IL27RA: variants seen among roughly 807,000 people sequenced by gnomAD.
The protein encoded by IL27RA is interleukin-27 receptor subunit alpha.
A neutral mutation model predicts 80.8 loss-of-function variants in IL27RA; 61 were observed. The observed-to-expected ratio is 0.76, with a 90% CI of 0.61 to 0.93. The LOEUF (loss-of-function observed/expected upper bound fraction) is 0.93. IL27RA is among the 40% of genes least tolerant of loss of function. The probability of loss-of-function intolerance (pLI) is 0.00; values close to 1 mark genes in which losing one functional copy is unlikely to be tolerated. For synonymous variants in IL27RA, 316 were observed against 332.5 expected (o/e 0.95, Z 0.54); for missense variants, 735 against 808.1 (o/e 0.91, Z 1.10).
At chr19:14,044,657 C>G (rs1474814633) in intron 6 of IL27RA, among the ~76,000 whole-genome samples, 2 of 151,830 alleles carry the variant, frequency 1.3e-5, no homozygotes, top group African/African-American at 2.4e-5. Context: ...TAGGGTCACA[C>G]AGGTGCAGGA....
At chr19:14,040,161 C>T (rs1401994855) in intron 4 of IL27RA, among the ~76,000 whole-genome samples, 7 of 151,322 alleles carry the variant, frequency 4.6e-5, no homozygotes, top group African/African-American at 1.5e-4. Flanking sequence ...GTCAAGAGTT[C>T]GAGACCAGCC....
At chr19:14,038,930 G>A (rs1447894811) in intron 2 of IL27RA, among the ~76,000 whole-genome samples, 1 of 150,750 alleles carries the variant, frequency 6.6e-6, no homozygotes, top group Non-Finnish European at 1.5e-5. Flanking sequence ...GGAAGGGAGG[G>A]AGGGAGGAAA....
chr19:14,032,455 T>C lies in IL27RA; in HGVS notation c.170T>C (p.Leu57Pro), dbSNP rs2145683622. The C allele has an allele frequency of 1.9e-6, 3 of 1,613,652 alleles. No homozygotes were observed. The highest frequency in any genetic ancestry group is 1.1e-5 in the South Asian group (1 of 91,056). ...LGDLNCSWEP[L>P]GDLGAPSELH... ...GACTTGAACTGCTCGTGGGAGCCTCTTGGGGACCTGGGAGCCCCCTCCGAG... is the reference window on the plus strand; with the variant it reads ...GACTTGAACTGCTCGTGGGAGCCTCCTGGGGACCTGGGAGCCCCCTCCGAG... Residue 57 changes from leucine to proline, a missense_variant, in exon 2 of 14, where the codon CTT (leucine) becomes CCT (proline). By Grantham distance (98) the Leu-to-Pro change is moderately conservative. Coordinates refer to ENST00000263379, the MANE Select transcript of IL27RA (RefSeq NM_004843.4).
intron 8 of IL27RA, among the ~76,000 whole-genome samples, chr19:14,048,357 C>T (rs563631638): frequency 1.3e-5 from 2 of 152,210 alleles, no homozygotes; most frequent in South Asian, 4.1e-4. Flanking sequence ...GACACAGTCC[C>T]AAGACCCACA....
chr19:14,049,392 C>A, intron 10 of IL27RA, 78 bp downstream of exon 10: 3 of 1,474,734 alleles, frequency 2.0e-6, no homozygotes, highest in South Asian at 1.3e-5. Context: ...CCCTTGTCCC[C>A]ACGTGGGCCT....
At chr19:14,043,918 G>A (rs1008364335) in intron 6 of IL27RA, among the ~76,000 whole-genome samples, 4 of 150,790 alleles carry the variant, frequency 2.7e-5, no homozygotes, top group Admixed American at 6.6e-5. Context: ...CCTGGTGGCA[G>A]GCACCTGTAA....
intron 12 of IL27RA, 71 bp downstream of exon 12, chr19:14,051,771 G>A (rs1221334378): frequency 1.4e-6 from 2 of 1,425,110 alleles, no homozygotes; most frequent in Non-Finnish European, 9.8e-7. Flanking sequence ...GAGCTTCCAG[G>A]GGGCTTGAAG....
intron 6 of IL27RA, among the ~76,000 whole-genome samples, chr19:14,043,771 G>T (rs1976024011): frequency 6.6e-6 from 1 of 151,740 alleles, no homozygotes; most frequent in African/African-American, 2.4e-5. Context: ...TAATAGGCTG[G>T]GCATGGTGGC....
chr19:14,035,355 C>T (rs189422674), intron 2 of IL27RA, among the ~76,000 whole-genome samples: 45 of 151,882 alleles, frequency 3.0e-4, no homozygotes, highest in Admixed American at 1.3e-3. Context: ...AGTACATTCC[C>T]ATGGTGCTAT....
intron 6 of IL27RA, among the ~76,000 whole-genome samples, chr19:14,044,916 GA>G (rs1415112668): frequency 6.6e-6 from 1 of 151,632 alleles, no homozygotes; most frequent in African/African-American, 2.4e-5. Flanking sequence ...ATAAGGTCAG[GA>G]GTTCAAGACC....
chr19:14,046,263 C>T lies in IL27RA; in HGVS notation c.878C>T (p.Ala293Val), dbSNP rs772062615. 25 of 1,613,990 alleles carry T rather than the reference C, an allele frequency of 1.5e-5. No homozygotes were observed. The highest frequency in any genetic ancestry group is 1.8e-5 in the Non-Finnish European group (21 of 1,180,042). ...TCCCSLIPSGAEWARVSAVNA... is the reference protein window; with the variant it reads ...TCCCSLIPSGVEWARVSAVNA... ...TGCTGCTCCCTAATTCCCAGTGGGG[C>T]GGAGTGGGCCAGGGTGTCCGCTGTC... is the stretch of plus-strand genomic sequence containing the variant. Residue 293 changes from alanine (A) to valine (V), a missense_variant, in exon 7 of 14, where the codon GCG becomes GTG. By Grantham distance (64) the Ala-to-Val change is moderately conservative. Transcript: ENST00000263379.
chr19:14,044,986 G>T (rs748083007), intron 6 of IL27RA, among the ~76,000 whole-genome samples: 2 of 151,584 alleles, frequency 1.3e-5, no homozygotes, highest in African/African-American at 2.4e-5. Flanking sequence ...TTAGCCGGGC[G>T]TGGTGGCAGG....
intron 2 of IL27RA, among the ~76,000 whole-genome samples, chr19:14,039,057 T>A (rs753718187): frequency 6.6e-6 from 1 of 150,728 alleles, no homozygotes; most frequent in Non-Finnish European, 1.5e-5. Context: ...GGCCGAGGTG[T>A]GTGCATCACT....
intron 2 of IL27RA, among the ~76,000 whole-genome samples, chr19:14,035,694 G>A (rs12460244): frequency 0.17 from 26,260 of 151,626 alleles, 2,519 homozygotes; most frequent in South Asian, 0.35. Flanking sequence ...TGAGCCTGGC[G>A]GGGGGCCTAG....
intron 4 of IL27RA, among the ~76,000 whole-genome samples, chr19:14,041,761 T>A (rs2145690510): frequency 6.6e-6 from 1 of 152,306 alleles, no homozygotes; most frequent in African/African-American, 2.4e-5. Flanking sequence ...AAATGGTTGC[T>A]CACTCTGCTG....
chr19:14,042,376 AG>A, intron 4 of IL27RA, 76 bp from the exon 5 acceptor site: 4 of 1,462,704 alleles, frequency 2.7e-6, no homozygotes, highest in African/African-American at 1.4e-5. Flanking sequence ...CGAAAAACAA[AG>A]GAAAAAAAAA....
chr19:14,038,359 G>A (rs914217973), intron 2 of IL27RA, among the ~76,000 whole-genome samples: 2 of 151,934 alleles, frequency 1.3e-5, no homozygotes, highest in African/African-American at 2.4e-5. Flanking sequence ...GTGACTGCTT[G>A]AGGCCAAGAG....
chr19:14,051,733 C>A (rs780515180), intron 12 of IL27RA, 33 bp downstream of exon 12: 1 of 1,526,672 alleles, frequency 6.6e-7, no homozygotes, highest in Admixed American at 1.8e-5. Context: ...TCTCTACCCA[C>A]GTGGGGAAGG....
chr19:14,051,191 A>G (rs1445439319), intron 11 of IL27RA, among the ~76,000 whole-genome samples: 1 of 152,148 alleles, frequency 6.6e-6, no homozygotes, highest in Non-Finnish European at 1.5e-5. Context: ...TGGAGGCTGC[A>G]GTACACGGAT....
Sources: gnomAD v4.1 joint callset for allele counts (sites outside exome capture counted in the v4.1 genomes callset) on GRCh38, gnomAD v4.1.1 for gene constraint, MANE v1.5 for transcripts, NCBI Gene and HGNC (gene_info 2026-07-23, HGNC 2026-07-21) for gene names.